Variants in KCNN3 observed in about 807,000 individuals in gnomAD.
The protein encoded by KCNN3 is small conductance calcium-activated potassium channel protein 3.
KCNN3 carries 16 observed loss-of-function variants against 62.9 expected under a neutral mutation model. The observed-to-expected ratio is 0.25, with a 90% CI of 0.17 to 0.39. KCNN3 has a LOEUF of 0.39. Ranked by LOEUF, KCNN3 falls within the 10% of genes least tolerant of loss-of-function variation. KCNN3 has a pLI of 1.00. For synonymous variants in KCNN3, 370 were observed against 389.2 expected, an observed-to-expected ratio of 0.95 and a Z score of 0.58; for missense variants, 599 against 949.4, an observed-to-expected ratio of 0.63 and a Z score of 4.85.
At chr1:154,802,203 G>A (rs1193413212) in intron 2 of KCNN3, among the ~76,000 whole-genome samples, 1 of 152,184 alleles carries the variant, frequency 6.6e-6, no homozygotes, top group Non-Finnish European at 1.5e-5. Flanking sequence ...TAAACAACTA[G>A]TCCAACAGCT....
chr1:154,801,272 A>G (rs1649943500), intron 2 of KCNN3, among the ~76,000 whole-genome samples: 1 of 152,214 alleles, frequency 6.6e-6, no homozygotes, highest in Non-Finnish European at 1.5e-5. Context: ...GCATTCTGAA[A>G]TGAAGCATCA....
chr1:154,766,938 C>T (rs1197741725), intron 3 of KCNN3, among the ~76,000 whole-genome samples: 1 of 152,118 alleles, frequency 6.6e-6, no homozygotes, highest in Non-Finnish European at 1.5e-5. Context: ...GCCTCGGCCT[C>T]CCAAAGTGCT....
intron 2 of KCNN3, among the ~76,000 whole-genome samples, chr1:154,808,968 T>C (rs555133124): frequency 7.9e-5 from 12 of 152,082 alleles, no homozygotes; most frequent in African/African-American, 2.9e-4. Context: ...TGGCTCTGAG[T>C]TCAGAGGCGG....
intron 5 of KCNN3, among the ~76,000 whole-genome samples, chr1:154,720,281 G>C (rs1433870379): frequency 6.6e-6 from 1 of 152,182 alleles, no homozygotes; most frequent in African/African-American, 2.4e-5. Flanking sequence ...CATTGTTTCT[G>C]TGACTATTGC....
chr1:154,737,203 A>AT (rs1177461040), intron 3 of KCNN3: 2 of 136,620 alleles, frequency 1.5e-5, no homozygotes, highest in African/African-American at 9.0e-5. Context: ...GCAATAGAAA[A>AT]TTTGGGGGGG....
At chr1:154,752,659 TC>T (rs1195593981) in intron 3 of KCNN3, among the ~76,000 whole-genome samples, 1 of 60,916 alleles carries the variant, frequency 1.6e-5, no homozygotes, top group African/African-American at 6.8e-5. Context: ...AAGATAGTGC[TC>T]CTTATTTATT....
rs2101748864 is a variant in KCNN3, at chr1:154,703,371, A to G, written c.*4605T>C. ...AGCCCACCGACTGCAAGGGGAGAGAAGGGGTTGTTCGTGCCTACTGGGAAG... is the reference window on the plus strand; with the variant it reads ...AGCCCACCGACTGCAAGGGGAGAGAGGGGGTTGTTCGTGCCTACTGGGAAG... On this transcript the variant is annotated 3_prime_UTR_variant, in exon 8 of 8. Coordinates refer to ENST00000271915, the MANE Select transcript of KCNN3 (RefSeq NM_002249.6). The G allele has an allele frequency of 6.6e-6, 1 of 152,308 alleles. No individual in the cohort carries two copies. The highest frequency in any genetic ancestry group is 1.9e-4 in the East Asian group (1 of 5,190). The allele number at this position is 152,308 out of a possible 1,614,324, so 9.4% of individuals were successfully genotyped here.
At chr1:154,723,074 T>C (rs973013126) in intron 5 of KCNN3, among the ~76,000 whole-genome samples, 4 of 152,114 alleles carry the variant, frequency 2.6e-5, no homozygotes, top group Non-Finnish European at 4.4e-5. Flanking sequence ...CTTGATACAA[T>C]GGACCATTTC....
chr1:154,771,006 G>C (rs1488732574), intron 3 of KCNN3, among the ~76,000 whole-genome samples: 1 of 151,738 alleles, frequency 6.6e-6, no homozygotes, highest in African/African-American at 2.4e-5. Context: ...GCAGTGAGCA[G>C]AGACTATGCC....
At chr1:154,823,651 G>C (rs1650993667) in intron 1 of KCNN3, among the ~76,000 whole-genome samples, 1 of 152,188 alleles carries the variant, frequency 6.6e-6, no homozygotes, top group Non-Finnish European at 1.5e-5. Flanking sequence ...CATTTAAATA[G>C]ACCTAAATGA....
intron 2 of KCNN3, among the ~76,000 whole-genome samples, chr1:154,779,512 A>G (rs1000911799): frequency 4.6e-5 from 7 of 152,224 alleles, no homozygotes; most frequent in African/African-American, 1.2e-4. Flanking sequence ...CTCCCCATGG[A>G]CACATGATTT....
chr1:154,708,412 G>A (rs1473193514), intron 7 of KCNN3, 140 bp from the exon 8 acceptor site: 4 of 891,478 alleles, frequency 4.5e-6, no homozygotes, highest in East Asian at 2.4e-5. Flanking sequence ...AAGGATACAG[G>A]CTTCTTTCCT....
intron 2 of KCNN3, among the ~76,000 whole-genome samples, chr1:154,791,239 A>C (rs115466223): frequency 0.022 from 3,342 of 151,646 alleles, 84 homozygotes; most frequent in African/African-American, 0.058. Flanking sequence ...AAAAAAAAAA[A>C]AAAAAAACAA....
intron 1 of KCNN3, among the ~76,000 whole-genome samples, chr1:154,843,983 G>T (rs369960652): frequency 8.5e-5 from 13 of 152,344 alleles, no homozygotes; most frequent in East Asian, 5.8e-4. Context: ...TAGGAGGGGG[G>T]GCTGCACAGC....
chr1:154,734,228 G>C (rs1187955096), intron 3 of KCNN3, among the ~76,000 whole-genome samples: 1 of 152,160 alleles, frequency 6.6e-6, no homozygotes, highest in Non-Finnish European at 1.5e-5. Flanking sequence ...TCTCTAATGG[G>C]ATCAGCCTGA....
chr1:154,776,868 G>C (rs1648812110), intron 2 of KCNN3, among the ~76,000 whole-genome samples: 1 of 152,156 alleles, frequency 6.6e-6, no homozygotes, highest in Non-Finnish European at 1.5e-5. Context: ...AGAATCTCTG[G>C]GGGTGGAGCC....
chr1:154,807,580 T>C (rs898564546), intron 2 of KCNN3, among the ~76,000 whole-genome samples: 1 of 152,146 alleles, frequency 6.6e-6, no homozygotes, highest in South Asian at 2.1e-4. Flanking sequence ...GGATGTAAAC[T>C]CCCTGCCTGG....
Position 154,772,694 on chromosome 1 carries a change from T to C in KCNN3, c.1030-301A>G, listed in dbSNP as rs988976910. Among the ~76,000 whole-genome samples, 3 of 152,216 alleles carry C rather than the reference T, an allele frequency of 2.0e-5. No homozygotes were observed. The highest frequency in any genetic ancestry group is 2.9e-5 in the Non-Finnish European group (2 of 68,032). On this transcript the variant is annotated intron_variant, in intron 2 of 7. Coordinates refer to ENST00000271915, the MANE Select transcript of KCNN3 (RefSeq NM_002249.6). This position sits in a 1 kb window ranked among gnomAD's most constrained non-coding sequence, Gnocchi z 5.6. Reference sequence around the variant, plus strand: ...TTATAATAAGAAATAATGTACTTGGTCTTTATCCTGGTTTAGGCACAGTTC... The same window carrying C: ...TTATAATAAGAAATAATGTACTTGGCCTTTATCCTGGTTTAGGCACAGTTC...
At chr1:154,843,029 CTTAT>C in intron 1 of KCNN3, among the ~76,000 whole-genome samples, 1 of 152,184 alleles carries the variant, frequency 6.6e-6, no homozygotes, top group Non-Finnish European at 1.5e-5. Flanking sequence ...GGACCTGACA[CTTAT>C]AATAGGAGCT....
Sources: gnomAD v4.1 joint callset for allele counts (sites outside exome capture counted in the v4.1 genomes callset) on GRCh38, gnomAD v4.1.1 for gene constraint, Gnocchi (gnomAD v3.1) non-coding constraint, MANE v1.5 for transcripts, NCBI Gene and HGNC (gene_info 2026-07-23, HGNC 2026-07-21) for gene names.